BRINP2: variants seen among roughly 807,000 people sequenced by gnomAD.
BRINP2 encodes the protein BMP/retinoic acid-inducible neural-specific protein 2.
BRINP2 carries 21 observed loss-of-function variants against 69.2 expected under a neutral mutation model. The ratio of observed to expected loss-of-function variants is 0.30; its 90% confidence interval spans 0.22 to 0.44. The LOEUF is 0.44. Among genes scored for constraint, BRINP2 ranks in the 20% least tolerant of loss-of-function variants. BRINP2 has a pLI of 1.00. For synonymous variants in BRINP2, 380 were observed against 394.1 expected, an observed-to-expected ratio of 0.96 and a Z score of 0.42; for missense variants, 877 against 986.0, an observed-to-expected ratio of 0.89 and a Z score of 1.48.
intron 2 of BRINP2, among the ~76,000 whole-genome samples, chr1:177,238,800 A>C (rs1330534496): frequency 6.6e-6 from 1 of 152,258 alleles, no homozygotes; most frequent in African/African-American, 2.4e-5. Flanking sequence ...GTACTATGAG[A>C]TATTAATGAC....
chr1:177,230,003 C>G lies in BRINP2; in HGVS notation c.127C>G (p.Pro43Ala). Residue 43 changes from proline (P) to alanine (A), a missense_variant, in exon 2 of 8, where the codon CCC becomes GCC. Around this residue, in one of 3 missense-constraint regions of BRINP2, gnomAD observed 566 missense variants for 625.2 expected, o/e 0.91. Coordinates refer to ENST00000361539, the MANE Select transcript of BRINP2 (RefSeq NM_021165.4). The part of the protein sequence containing the change: ...AVSATAAAVV[P>A]EQHASVAGQH... Reference sequence around the variant, plus strand: ...CTCAGCCACGGCGGCTGCTGTGGTCCCCGAGCAGCATGCCTCCGTAGCTGG... The same window carrying G: ...CTCAGCCACGGCGGCTGCTGTGGTCGCCGAGCAGCATGCCTCCGTAGCTGG... 5 of 1,613,564 alleles carry G rather than the reference C, an allele frequency of 3.1e-6. No individual in the cohort carries two copies. Among genetic ancestry groups the G allele is most frequent in the Non-Finnish European group, 4.2e-6 (5 of 1,179,932 alleles).
intron 1 of BRINP2, among the ~76,000 whole-genome samples, chr1:177,209,546 A>C (rs1649164286): frequency 6.6e-6 from 1 of 152,186 alleles, no homozygotes; most frequent in Non-Finnish European, 1.5e-5. Flanking sequence ...GGCAATAGCT[A>C]AAGGAGTGAC....
intron 1 of BRINP2, among the ~76,000 whole-genome samples, chr1:177,174,921 A>G (rs1479230138): frequency 6.6e-6 from 1 of 152,186 alleles, no homozygotes; most frequent in Non-Finnish European, 1.5e-5. Context: ...ATTGTGGGAA[A>G]AGTATTGCTC....
chr1:177,213,192 T>C (rs1178102667), intron 1 of BRINP2, among the ~76,000 whole-genome samples: 1 of 152,196 alleles, frequency 6.6e-6, no homozygotes, highest in Non-Finnish European at 1.5e-5. Context: ...TTTATGAGTC[T>C]TGATTCATTA....
chr1:177,179,159 A>G (rs1297848515), intron 1 of BRINP2, among the ~76,000 whole-genome samples: 1 of 152,218 alleles, frequency 6.6e-6, no homozygotes, highest in Non-Finnish European at 1.5e-5. Flanking sequence ...AAATAACAAT[A>G]TAAACAAATA....
intron 1 of BRINP2, among the ~76,000 whole-genome samples, chr1:177,184,348 T>G (rs1648364617): frequency 6.6e-6 from 1 of 152,160 alleles, no homozygotes; most frequent in African/African-American, 2.4e-5. Context: ...ATCTAACTTT[T>G]TGTGTATGCA....
chr1:177,269,148 A>G (rs540453611), intron 4 of BRINP2, among the ~76,000 whole-genome samples: 2 of 152,190 alleles, frequency 1.3e-5, no homozygotes, highest in African/African-American at 2.4e-5. Flanking sequence ...AAGGGAGAGT[A>G]TACCTGAGGA....
At chr1:177,224,547 G>A (rs1287694851) in intron 1 of BRINP2, among the ~76,000 whole-genome samples, 1 of 151,970 alleles carries the variant, frequency 6.6e-6, no homozygotes, top group African/African-American at 2.4e-5. Context: ...CCAGAGGGAA[G>A]TGACTTGCCT....
In BRINP2 at chr1:177,280,992, A is replaced by T; in HGVS notation, c.1816A>T (p.Asn606Tyr). ...CTCTGAGAGCTGGTTCATGCCTGTG[A>T]ATGAGGGCAGCTTTCCTGACTGGGA... ...SHSESWFMPV[N>Y]EGSFPDWERT... Residue 606 changes from asparagine to tyrosine, a missense_variant, in exon 8 of 8, where the codon AAT (asparagine) becomes TAT (tyrosine). By Grantham distance (143) the Asn-to-Tyr change is moderately radical (BLOSUM62 -2). This residue lies in a region of BRINP2 where 225 missense variants were observed against 218.7 expected (regional missense o/e 1.03). Coordinates refer to ENST00000361539, the MANE Select transcript of BRINP2 (RefSeq NM_021165.4). 1 of 1,614,174 alleles carries T rather than the reference A, an allele frequency of 6.2e-7. No individual in the cohort carries two copies. The highest frequency in any genetic ancestry group is 8.5e-7 in the Non-Finnish European group (1 of 1,180,020).
chr1:177,258,940 A>T (rs572663448), intron 4 of BRINP2, among the ~76,000 whole-genome samples: 4 of 152,286 alleles, frequency 2.6e-5, no homozygotes, highest in African/African-American at 9.6e-5. Context: ...GCCAATTATT[A>T]ACCTTAGTGG....
At chr1:177,195,398 TCTTACGCTCACATA>T (rs756044268) in intron 1 of BRINP2, among the ~76,000 whole-genome samples, 269 of 151,758 alleles carry the variant, frequency 1.8e-3, no homozygotes, top group South Asian at 3.4e-3. Context: ...TATAGCCTAA[TCTTACGCTCACATA>T]CTCAGGAGCA....
chr1:177,188,068 C>A (rs1374727306), intron 1 of BRINP2, among the ~76,000 whole-genome samples: 2 of 152,134 alleles, frequency 1.3e-5, no homozygotes, highest in African/African-American at 4.8e-5. Context: ...GTGAAACAAG[C>A]TATGCACAGT....
chr1:177,217,349 TA>T (rs938362661), intron 1 of BRINP2, among the ~76,000 whole-genome samples: 12 of 151,672 alleles, frequency 7.9e-5, no homozygotes, highest in South Asian at 2.1e-4. Context: ...AATCTCCATT[TA>T]AAAAAAAAGT....
chr1:177,247,033 C>T (rs1422260406), intron 2 of BRINP2, among the ~76,000 whole-genome samples: 1 of 152,144 alleles, frequency 6.6e-6, no homozygotes, highest in Non-Finnish European at 1.5e-5. Context: ...TGGCATCACT[C>T]AGTGTACATG....
intron 1 of BRINP2, among the ~76,000 whole-genome samples, chr1:177,182,502 C>T (rs1262646503): frequency 6.6e-6 from 1 of 152,146 alleles, no homozygotes; most frequent in Non-Finnish European, 1.5e-5. Flanking sequence ...CACTCCTGAG[C>T]TTAGCAATGT....
intron 2 of BRINP2, among the ~76,000 whole-genome samples, chr1:177,254,380 A>G (rs200439294): frequency 0.032 from 2,507 of 79,518 alleles, 25 homozygotes; most frequent in Non-Finnish European, 0.044. Flanking sequence ...GCACACATGC[A>G]CACACACACA....
intron 1 of BRINP2, among the ~76,000 whole-genome samples, chr1:177,211,721 G>C (rs572616907): frequency 0.01 from 1,523 of 152,144 alleles, 28 homozygotes; most frequent in African/African-American, 0.035. Context: ...TATTACTGGT[G>C]GTATTAACTG....
At chr1:177,178,176 C>A (rs1345894068) in intron 1 of BRINP2, among the ~76,000 whole-genome samples, 2 of 152,156 alleles carry the variant, frequency 1.3e-5, no homozygotes, top group African/African-American at 2.4e-5. Context: ...CAGCATCTTC[C>A]CAGGACTTGA....
Position 177,262,743 on chromosome 1 carries a change from A to G in BRINP2, c.669+5359A>G, listed in dbSNP as rs557851107. Among the ~76,000 whole-genome samples, 65 of 152,278 alleles carry G rather than the reference A, an allele frequency of 4.3e-4. 1 individual carries two copies. The highest frequency in any genetic ancestry group is 1.5e-3 in the African/African-American group (63 of 41,554). On this transcript the variant is annotated intron_variant, in intron 4 of 7. Coordinates refer to ENST00000361539, the MANE Select transcript of BRINP2 (RefSeq NM_021165.4). ...TTCTTCTTCTTGATTTCCTAGGTTAAACAGAAGGAAAGTCTTTGGCTAACA... is the reference window on the plus strand; with the variant it reads ...TTCTTCTTCTTGATTTCCTAGGTTAGACAGAAGGAAAGTCTTTGGCTAACA...
Sources: allele counts gnomAD v4.1 joint callset (sites outside exome capture counted in the v4.1 genomes callset), GRCh38; gene constraint gnomAD v4.1.1; regional missense constraint gnomAD v4.1.1; transcripts MANE v1.5; gene names NCBI Gene and HGNC (gene_info 2026-07-23, HGNC 2026-07-21).